SLC10A7: variants seen among roughly 807,000 people sequenced by gnomAD.
The protein encoded by SLC10A7 is solute carrier family 10 member 7.
In SLC10A7, 29 loss-of-function variants were observed where a neutral mutation model predicts 43.2. That is an observed-to-expected ratio of 0.67 (90% CI 0.50 to 0.92). SLC10A7 has a LOEUF of 0.92. Among genes scored for constraint, SLC10A7 ranks in the 40% least tolerant of loss-of-function variants. The pLI is 0.00. For synonymous variants in SLC10A7, 152 were observed against 144.8 expected (o/e 1.05, Z -0.35); for missense variants, 295 against 403.2 (o/e 0.73, Z 2.30).
At chr4:146,443,217 A>T (rs1425309802) in intron 4 of SLC10A7, among the ~76,000 whole-genome samples, 3 of 56,138 alleles carry the variant, frequency 5.3e-5, no homozygotes, top group African/African-American at 3.9e-4. Context: ...GAATTGTAAG[A>T]CAAACATTAA....
intron 10 of SLC10A7, among the ~76,000 whole-genome samples, chr4:146,264,000 CAT>C (rs1342415691): frequency 2.0e-5 from 3 of 152,216 alleles, no homozygotes; most frequent in African/African-American, 7.2e-5. Flanking sequence ...CCATGTCACA[CAT>C]GACACATTTG....
At chr4:146,458,503 CAGTT>C (rs1039717485) in intron 4 of SLC10A7, among the ~76,000 whole-genome samples, 9 of 151,774 alleles carry the variant, frequency 5.9e-5, no homozygotes, top group African/African-American at 2.2e-4. Context: ...CAGACCAAGT[CAGTT>C]AGTCAAATAA....
At chr4:146,314,879 T>C (rs1457421797) in intron 6 of SLC10A7, among the ~76,000 whole-genome samples, 1 of 152,124 alleles carries the variant, frequency 6.6e-6, no homozygotes, top group Non-Finnish European at 1.5e-5. Context: ...ATTTGGGGGC[T>C]TGAGCTCATG....
At chr4:146,504,792 A>C (rs559912510) in intron 3 of SLC10A7, among the ~76,000 whole-genome samples, 215 of 152,322 alleles carry the variant, frequency 1.4e-3, no homozygotes, top group Non-Finnish European at 2.5e-3. Context: ...AGAAACAGGC[A>C]TGACACAATC....
chr4:146,386,838 T>G (rs535317945), intron 5 of SLC10A7, among the ~76,000 whole-genome samples: 49 of 152,316 alleles, frequency 3.2e-4, no homozygotes, highest in African/African-American at 1.2e-3. Context: ...TATATATGTC[T>G]CTCTCCCTTA....
intron 5 of SLC10A7, among the ~76,000 whole-genome samples, chr4:146,366,215 C>G (rs1020602434): frequency 6.6e-6 from 1 of 152,144 alleles, no homozygotes; most frequent in South Asian, 2.1e-4. Context: ...ATCTCTTATC[C>G]AAAAATCCTG....
At chr4:146,500,119 A>G (rs1044740816) in intron 4 of SLC10A7, among the ~76,000 whole-genome samples, 141 of 152,298 alleles carry the variant, frequency 9.3e-4, no homozygotes, top group African/African-American at 3.3e-3. Flanking sequence ...AAAAATAACT[A>G]CCTGACATAA....
chr4:146,272,363 T>G (rs1728948797), intron 10 of SLC10A7, among the ~76,000 whole-genome samples: 1 of 152,122 alleles, frequency 6.6e-6, no homozygotes, highest in Non-Finnish European at 1.5e-5. Context: ...CTCCTGCCCC[T>G]AGGGTAACTT....
intron 4 of SLC10A7, among the ~76,000 whole-genome samples, chr4:146,455,420 A>T (rs1014496389): frequency 6.6e-6 from 1 of 151,882 alleles, no homozygotes; most frequent in Non-Finnish European, 1.5e-5. Context: ...TTAGAAGTGC[A>T]TCCACAAAAC....
chr4:146,498,504 T>C (rs1736119159), intron 4 of SLC10A7, among the ~76,000 whole-genome samples: 1 of 152,166 alleles, frequency 6.6e-6, no homozygotes, highest in Non-Finnish European at 1.5e-5. Context: ...AGCTGGACCA[T>C]GTCAAAGCAC....
chr4:146,265,306 T>C (rs775021882), intron 10 of SLC10A7, among the ~76,000 whole-genome samples: 1 of 152,248 alleles, frequency 6.6e-6, no homozygotes, highest in Non-Finnish European at 1.5e-5. Flanking sequence ...CTCTAAGCTG[T>C]GTTAACTGCA....
intron 4 of SLC10A7, among the ~76,000 whole-genome samples, chr4:146,473,333 TG>T (rs1393132498): frequency 1.3e-5 from 2 of 152,346 alleles, no homozygotes; most frequent in Non-Finnish European, 2.9e-5. Flanking sequence ...ACTGTTTGCA[TG>T]TATGACATAT....
intron 7 of SLC10A7, among the ~76,000 whole-genome samples, chr4:146,300,651 T>G (rs959812356): frequency 1.3e-5 from 2 of 152,222 alleles, no homozygotes; most frequent in African/African-American, 4.8e-5. Flanking sequence ...AATGTACCTG[T>G]GGGCCAGTTA....
chr4:146,394,223 C>T (rs1738650391), intron 5 of SLC10A7, among the ~76,000 whole-genome samples: 1 of 152,118 alleles, frequency 6.6e-6, no homozygotes. Flanking sequence ...AAATAAAAAC[C>T]TGATTTAAGT....
At chr4:146,435,298 T>C (rs1396679410) in intron 5 of SLC10A7, among the ~76,000 whole-genome samples, 1 of 152,172 alleles carries the variant, frequency 6.6e-6, no homozygotes, top group Non-Finnish European at 1.5e-5. Flanking sequence ...GGGAAGATTC[T>C]CTTTGGCTGA....
chr4:146,318,628 A>G (rs1360820218), intron 6 of SLC10A7, among the ~76,000 whole-genome samples: 3 of 152,014 alleles, frequency 2.0e-5, no homozygotes, highest in Non-Finnish European at 4.4e-5. Context: ...TCTCCCAAAT[A>G]TACATCTCTA....
chr4:146,501,899 C>T (rs188164551), intron 4 of SLC10A7, among the ~76,000 whole-genome samples: 83 of 152,276 alleles, frequency 5.5e-4, no homozygotes, highest in Admixed American at 5.4e-3. Flanking sequence ...ACCCTGAATC[C>T]AATCACGTTT....
chr4:146,322,461 C>G (rs1732785647), intron 6 of SLC10A7, among the ~76,000 whole-genome samples: 1 of 146,184 alleles, frequency 6.8e-6, no homozygotes, highest in Non-Finnish European at 1.5e-5. Flanking sequence ...TGAGTCAGAA[C>G]ATGCGGTGTT....
At chr4:146,451,744 C>T (rs1393329758) in intron 4 of SLC10A7, among the ~76,000 whole-genome samples, 1 of 152,088 alleles carries the variant, frequency 6.6e-6, no homozygotes, top group African/African-American at 2.4e-5. Flanking sequence ...AGAAGTTACA[C>T]ACCTTAAGAT....
Sources: allele counts gnomAD v4.1 joint callset (sites outside exome capture counted in the v4.1 genomes callset), GRCh38; gene constraint gnomAD v4.1.1; transcripts MANE v1.5; gene names NCBI Gene and HGNC (gene_info 2026-07-23, HGNC 2026-07-21).